Variants in ZC3H18 observed in about 807,000 individuals in gnomAD.
The protein encoded by ZC3H18 is zinc finger CCCH domain-containing protein 18.
Under a neutral mutation model 106.1 loss-of-function variants are expected in ZC3H18, and 8 were observed. The observed-to-expected ratio is 0.08, with a 90% CI of 0.04 to 0.14. ZC3H18 has a LOEUF of 0.14. Among genes scored for constraint, ZC3H18 ranks in the 10% least tolerant of loss-of-function variants. ZC3H18 has a pLI of 1.00. For synonymous variants in ZC3H18, 635 were observed against 522.1 expected, an observed-to-expected ratio of 1.22 and a Z score of -2.95; for missense variants, 1,318 against 1,278.4, an observed-to-expected ratio of 1.03 and a Z score of -0.47.
chr16:88,624,521 T>C (rs1384392024), intron 11 of ZC3H18, 81 bp from the exon 12 acceptor site: 12 of 1,604,308 alleles, frequency 7.5e-6, no homozygotes, highest in African/African-American at 1.3e-5. Context: ...TTCCCCGAGC[T>C]GTGGGTCCAT....
intron 6 of ZC3H18, among the ~76,000 whole-genome samples, chr16:88,604,095 T>C (rs1007672859): frequency 6.6e-6 from 1 of 152,168 alleles, no homozygotes; most frequent in Admixed American, 6.5e-5. Context: ...GTAATGTCTA[T>C]AATCCTAGTG....
chr16:88,597,804 T>G (rs1904518118), intron 3 of ZC3H18, among the ~76,000 whole-genome samples: 1 of 152,226 alleles, frequency 6.6e-6, no homozygotes, highest in South Asian at 2.1e-4. Context: ...CAAATACAAT[T>G]AACATCCAGT....
intron 1 of ZC3H18, among the ~76,000 whole-genome samples, chr16:88,572,326 C>A (rs561728447): frequency 6.6e-6 from 1 of 152,204 alleles, no homozygotes; most frequent in Non-Finnish European, 1.5e-5. Flanking sequence ...TTTTTTGAGA[C>A]GGAGTCTCAC....
At position 88,592,201 on chromosome 16, in the gene ZC3H18, G is replaced by T. The variant is rs544704267; in HGVS notation, c.688+5517G>T. Among the ~76,000 whole-genome samples the T allele has an allele frequency of 3.1e-3, 467 of 151,978 alleles. 2 individuals are homozygous for T. Among genetic ancestry groups the T allele is most frequent in the African/African-American group, 0.011 (449 of 41,488 alleles). On this transcript the variant is annotated intron_variant, in intron 3 of 17. Transcript: ENST00000301011. ...ATTACTCTGTTCTCTGTTTTTTTTT[G>T]ATAGTAGCCATTTCAGTGGGTAGGA...
rs1307910828 is a variant in ZC3H18, at chr16:88,627,664, G to A, written c.2151G>A (p.Thr717=). ...VSSVSSVSSA[T]SSSSSAHSVD... Reference sequence around the variant, plus strand: ...GCGTCTCCTCAGTGTCCAGTGCTACGTCGAGCAGCAGCTCTGCACACAGCG... The same window carrying A: ...GCGTCTCCTCAGTGTCCAGTGCTACATCGAGCAGCAGCTCTGCACACAGCG... The change falls in exon 14 of 18, where the codon ACG becomes ACA. Residue 717 remains threonine (T), a synonymous_variant. Transcript: ENST00000301011. The surrounding 1 kb of genome is among the most constrained non-coding windows in gnomAD (Gnocchi z 4.5). 12 of 1,612,780 alleles carry A rather than the reference G, an allele frequency of 7.4e-6. No homozygotes were observed. Among genetic ancestry groups the A allele is most frequent in the South Asian group, 4.4e-5 (4 of 91,062 alleles).
At chr16:88,590,496 A>G (rs921419346) in intron 3 of ZC3H18, among the ~76,000 whole-genome samples, 2 of 151,678 alleles carry the variant, frequency 1.3e-5, no homozygotes, top group Admixed American at 6.6e-5. Context: ...TCAGGACACA[A>G]AGTTCTGTCC....
chr16:88,607,609 C>T (rs1055865568), intron 6 of ZC3H18, among the ~76,000 whole-genome samples: 10 of 152,158 alleles, frequency 6.6e-5, no homozygotes, highest in African/African-American at 2.2e-4. Flanking sequence ...TTTATTCACA[C>T]GCTTCATGTC....
rs953126760 is a variant in ZC3H18, at chr16:88,572,349, G to C, written c.-15+1783G>C. On this transcript the variant is annotated intron_variant, in intron 1 of 17. Transcript: ENST00000301011. Reference sequence around the variant, plus strand: ...GACGGAGTCTCACTCTGTTGCCCAGGCTGGAGTGCAGTGGCAGGATCTCGG... The same window carrying C: ...GACGGAGTCTCACTCTGTTGCCCAGCCTGGAGTGCAGTGGCAGGATCTCGG... 4.6e-5 allele frequency among the ~76,000 whole-genome samples: 7 copies of C among 152,190 alleles called. 1 individual carries two copies. Among genetic ancestry groups the C allele is most frequent in the Non-Finnish European group, 4.4e-5 (3 of 68,034 alleles).
chr16:88,623,860 C>T (rs1327282573), intron 10 of ZC3H18, 98 bp from the exon 11 acceptor site: 23 of 1,483,010 alleles, frequency 1.6e-5, no homozygotes, highest in South Asian at 2.9e-5. Flanking sequence ...AATGGAAATT[C>T]GTGGCCTTCT....
At chr16:88,580,636 C>G (rs892546782) in intron 2 of ZC3H18, among the ~76,000 whole-genome samples, 9 of 152,182 alleles carry the variant, frequency 5.9e-5, no homozygotes, top group African/African-American at 1.9e-4. Context: ...GTGCCTGCCT[C>G]TTTCTCAGAG....
Position 88,631,436 on chromosome 16 carries a change from A to G in ZC3H18, c.*137A>G. On this transcript the variant is annotated 3_prime_UTR_variant, in exon 18 of 18. Transcript: ENST00000301011. ...AGAAAAAAAAGTTTCTCAGCTGGAA[A>G]AGAAGCCACACAGGAAATGACAACG... is the stretch of plus-strand genomic sequence containing the variant. 1 of 1,224,432 alleles carries G rather than the reference A, an allele frequency of 8.2e-7. No individual in the cohort carries two copies. The highest frequency in any genetic ancestry group is 2.5e-5 in the East Asian group (1 of 39,350). 75.8% of individuals were successfully genotyped at this position (1,224,432 alleles called of 1,614,324 possible).
intron 3 of ZC3H18, among the ~76,000 whole-genome samples, chr16:88,597,333 A>G (rs905644570): frequency 6.6e-6 from 1 of 152,190 alleles, no homozygotes; most frequent in Non-Finnish European, 1.5e-5. Flanking sequence ...GTTGGTTTTA[A>G]TGCAGGCTTA....
Position 88,624,596 on chromosome 16 carries a change from TCA to T in ZC3H18, c.1899-3_1899-2del. 6.2e-7 allele frequency: 1 copy of T among 1,612,010 alleles called. No homozygotes were observed. The highest frequency in any genetic ancestry group is 8.5e-7 in the Non-Finnish European group (1 of 1,179,222). On this transcript the variant is annotated splice_polypyrimidine_tract_variant and splice_region_variant and intron_variant, in intron 11 of 17. Coordinates refer to ENST00000301011, the MANE Select transcript of ZC3H18 (RefSeq NM_144604.4). ...CCTGCCCTGCTCGAGCCTCCCTGTC[TCA>T]CAGAGAGAAGTCAGTGAAGAAGCCG...
intron 8 of ZC3H18, among the ~76,000 whole-genome samples, chr16:88,621,607 C>T (rs1463074583): frequency 6.6e-6 from 1 of 152,134 alleles, no homozygotes; most frequent in Admixed American, 6.5e-5. Context: ...CCGCCCACCT[C>T]AGCCTCCCAA....
chr16:88,606,119 C>G lies in ZC3H18; in HGVS notation c.1089-2815C>G, dbSNP rs1478715644. On this transcript the variant is annotated intron_variant, in intron 6 of 17. Transcript: ENST00000301011. ...TTGCTTCACCACAGAACCCTTTTCTCAAAAGGCCCATTAACATTTTGGGTT... is the reference window on the plus strand; with the variant it reads ...TTGCTTCACCACAGAACCCTTTTCTGAAAAGGCCCATTAACATTTTGGGTT... Among the ~76,000 whole-genome samples, 4 of 152,368 alleles carry G rather than the reference C, an allele frequency of 2.6e-5. No homozygotes were observed. In the East Asian group the frequency reaches 7.7e-4, roughly 29 times the overall value.
At chr16:88,609,828 C>T (rs1905190079) in intron 7 of ZC3H18, among the ~76,000 whole-genome samples, 1 of 152,022 alleles carries the variant, frequency 6.6e-6, no homozygotes, top group Non-Finnish European at 1.5e-5. Context: ...CTCAAACTTC[C>T]GATCTCAGGT....
chr16:88,629,815 G>T (rs543263839), intron 16 of ZC3H18, among the ~76,000 whole-genome samples: 1 of 152,352 alleles, frequency 6.6e-6, no homozygotes, highest in South Asian at 2.1e-4. Context: ...GGACAAGGGG[G>T]CCTGGCCACC....
Position 88,628,837 on chromosome 16 carries a change from A to G in ZC3H18, c.2549A>G (p.Asn850Ser). 1 of 1,614,020 alleles carries G rather than the reference A, an allele frequency of 6.2e-7. No homozygotes were observed. The highest frequency in any genetic ancestry group is 8.5e-7 in the Non-Finnish European group (1 of 1,179,938). ...RQSPPPAKRPNTSPDRGSRDR... is the reference protein window; with the variant it reads ...RQSPPPAKRPSTSPDRGSRDR... ...AGCCCTCCTCCAGCCAAGCGGCCCA[A>G]CACATCCCCAGACCGAGGTGAGCCT... The change falls in exon 16 of 18, where the codon AAC becomes AGC. Residue 850 changes from asparagine (N) to serine (S), a missense_variant. Around this residue, in one of 6 missense-constraint regions of ZC3H18, gnomAD observed 848 missense variants for 821.7 expected, o/e 1.03. Coordinates refer to ENST00000301011, the MANE Select transcript of ZC3H18 (RefSeq NM_144604.4).
At chr16:88,591,053 C>G (rs1915722429) in intron 3 of ZC3H18, among the ~76,000 whole-genome samples, 4 of 151,196 alleles carry the variant, frequency 2.6e-5, no homozygotes, top group Admixed American at 2.0e-4. Context: ...TCACTGCAAG[C>G]TCTGCCTCCT....
Sources: gnomAD v4.1 joint callset for allele counts (sites outside exome capture counted in the v4.1 genomes callset) on GRCh38, gnomAD v4.1.1 for gene constraint, gnomAD v4.1.1 regional missense constraint, Gnocchi (gnomAD v3.1) non-coding constraint, MANE v1.5 for transcripts, NCBI Gene and HGNC (gene_info 2026-07-23, HGNC 2026-07-21) for gene names.